The following MACROD2 variants were observed in gnomAD, a reference collection of about 807,000 sequenced individuals.
The protein encoded by MACROD2 is ADP-ribose glycohydrolase MACROD2.
Under a neutral mutation model 70.4 loss-of-function variants are expected in MACROD2, and 36 were observed. The ratio of observed to expected loss-of-function variants is 0.51; its 90% confidence interval spans 0.39 to 0.68. The LOEUF is 0.68. Among genes scored for constraint, MACROD2 ranks in the 30% least tolerant of loss-of-function variants. The pLI is 0.00. For synonymous variants in MACROD2, 172 were observed against 178.8 expected (o/e 0.96, Z 0.30); for missense variants, 496 against 538.4 (o/e 0.92, Z 0.78).
chr20:14,493,814 G>A (rs2084821587), intron 4 of MACROD2: 1 of 188,414 alleles, frequency 5.3e-6, no homozygotes, highest in Non-Finnish European at 1.1e-5. Context: ...TAGTTACAGA[G>A]TAACTATGTA....
intron 6 of MACROD2, among the ~76,000 whole-genome samples, chr20:15,421,976 G>A (rs1430706088): frequency 1.3e-5 from 2 of 152,220 alleles, no homozygotes; most frequent in Non-Finnish European, 2.9e-5. Flanking sequence ...GAGAAAACCA[G>A]GGAGTATTTG....
At chr20:15,295,629 A>ACACACACACACG (rs1491214441) in intron 6 of MACROD2, among the ~76,000 whole-genome samples, 8 of 145,236 alleles carry the variant, frequency 5.5e-5, no homozygotes, top group Non-Finnish European at 7.6e-5. Context: ...ACACACACAC[A>ACACACACACACG]TGCACACACC....
At chr20:15,061,277 C>T (rs929597602) in intron 5 of MACROD2, among the ~76,000 whole-genome samples, 5 of 152,170 alleles carry the variant, frequency 3.3e-5, no homozygotes, top group Non-Finnish European at 4.4e-5. Context: ...TGTGATCCTG[C>T]CTAAGGGCTT....
At chr20:15,641,862 TC>T (rs1360070885) in intron 8 of MACROD2, among the ~76,000 whole-genome samples, 2 of 152,206 alleles carry the variant, frequency 1.3e-5, no homozygotes, top group East Asian at 3.9e-4. Flanking sequence ...CATATCCTTC[TC>T]TTGCCAAAAC....
At chr20:14,608,190 A>G (rs1022526172) in intron 4 of MACROD2, among the ~76,000 whole-genome samples, 2 of 152,122 alleles carry the variant, frequency 1.3e-5, no homozygotes, top group Non-Finnish European at 2.9e-5. Flanking sequence ...TGGAGCACGG[A>G]GGTTGTAGTG....
chr20:14,609,171 T>A (rs1388719439), intron 4 of MACROD2, among the ~76,000 whole-genome samples: 1 of 151,958 alleles, frequency 6.6e-6, no homozygotes, highest in Non-Finnish European at 1.5e-5. Flanking sequence ...GAAAATAAAT[T>A]AAGAGACTTT....
intron 5 of MACROD2, among the ~76,000 whole-genome samples, chr20:15,037,589 G>A (rs1342428232): frequency 6.6e-6 from 1 of 152,098 alleles, no homozygotes; most frequent in Non-Finnish European, 1.5e-5. Context: ...GAGTCTTAAA[G>A]CGGCTGGAAG....
intron 3 of MACROD2, among the ~76,000 whole-genome samples, chr20:14,289,491 G>A (rs888352693): frequency 6.6e-6 from 1 of 152,114 alleles, no homozygotes; most frequent in Non-Finnish European, 1.5e-5. Flanking sequence ...TTGATAAAAT[G>A]TTTACTTTTT....
intron 8 of MACROD2, among the ~76,000 whole-genome samples, chr20:15,544,275 G>A (rs1157174118): frequency 1.3e-5 from 2 of 152,142 alleles, no homozygotes; most frequent in Non-Finnish European, 2.9e-5. Flanking sequence ...CAGCAGAAAG[G>A]TTCAGTGATT....
intron 5 of MACROD2, among the ~76,000 whole-genome samples, chr20:14,817,813 G>A (rs1251085458): frequency 6.6e-6 from 1 of 152,148 alleles, no homozygotes; most frequent in Non-Finnish European, 1.5e-5. Flanking sequence ...CACTGGCTGA[G>A]TGTCACAAGG....
At chr20:15,828,423 C>T (rs1600958957) in intron 8 of MACROD2, among the ~76,000 whole-genome samples, 1 of 152,222 alleles carries the variant, frequency 6.6e-6, no homozygotes, top group East Asian at 1.9e-4. Flanking sequence ...ACACCACTGC[C>T]TCCCCTCAAA....
rs570211361 is a variant in MACROD2 at position 15,665,815 on chromosome 20, C to G, written c.645+165968C>G. 2.4e-4 allele frequency among the ~76,000 whole-genome samples: 36 copies of G among 152,254 alleles called. No individual in the cohort carries two copies. In the South Asian group the frequency reaches 7.1e-3, roughly 30 times the overall value. On this transcript the variant is annotated intron_variant, in intron 8 of 17. Coordinates refer to ENST00000684519, the MANE Select transcript of MACROD2 (RefSeq NM_001351661.2). ...ATGAGACTTATTCTCTAAGCATCCC[C>G]ACTTCTGGGTGCCCCAAGAAACTGA...
At chr20:14,272,157 C>A (rs1006097801) in intron 3 of MACROD2, among the ~76,000 whole-genome samples, 3 of 152,048 alleles carry the variant, frequency 2.0e-5, no homozygotes, top group Non-Finnish European at 4.4e-5. Flanking sequence ...CACAAAGATA[C>A]TCCTCGAGAA....
intron 6 of MACROD2, among the ~76,000 whole-genome samples, chr20:15,409,314 C>A (rs1005939): frequency 0.46 from 69,382 of 151,942 alleles, 15,984 homozygotes; most frequent in South Asian, 0.51. Context: ...TATTAAGTTG[C>A]AGGGAAGGTT....
chr20:15,704,992 T>C (rs1238422838), intron 8 of MACROD2, among the ~76,000 whole-genome samples: 1 of 152,208 alleles, frequency 6.6e-6, no homozygotes, highest in African/African-American at 2.4e-5. Flanking sequence ...GAGTAGTTGC[T>C]CAATAAATGT....
chr20:14,611,859 T>A (rs187664475), intron 4 of MACROD2, among the ~76,000 whole-genome samples: 1 of 152,298 alleles, frequency 6.6e-6, no homozygotes, highest in East Asian at 1.9e-4. Context: ...TAATATTTTC[T>A]CTGTTCTTAA....
chr20:14,095,695 G>T (rs2054214683), intron 3 of MACROD2, among the ~76,000 whole-genome samples: 1 of 152,082 alleles, frequency 6.6e-6, no homozygotes, highest in Non-Finnish European at 1.5e-5. Flanking sequence ...GTGATATCAG[G>T]AGTTTTTATT....
rs535363098 is a variant in MACROD2 at position 15,167,652 on chromosome 20, A to C, written c.419-62288A>C. Among the ~76,000 whole-genome samples, 9 of 152,306 alleles carry C rather than the reference A, an allele frequency of 5.9e-5. No individual in the cohort carries two copies. The East Asian group carries it at 1.7e-3, about 29-fold the overall frequency. ...TATCAAAGGTCAGAGCAGACCCTTT[A>C]GGCATGAAATGATTCCCAGCTCTTC... On this transcript the variant is annotated intron_variant, in intron 5 of 17. Coordinates refer to ENST00000684519, the MANE Select transcript of MACROD2 (RefSeq NM_001351661.2).
intron 5 of MACROD2, among the ~76,000 whole-genome samples, chr20:14,967,751 G>T (rs2074652185): frequency 6.6e-6 from 1 of 152,032 alleles, no homozygotes; most frequent in Non-Finnish European, 1.5e-5. Flanking sequence ...TGAGAAGTCT[G>T]CCAATTTACT....
Sources: allele counts gnomAD v4.1 joint callset (sites outside exome capture counted in the v4.1 genomes callset), GRCh38; gene constraint gnomAD v4.1.1; transcripts MANE v1.5; gene names NCBI Gene and HGNC (gene_info 2026-07-23, HGNC 2026-07-21).